GUCY1A2: variants seen among roughly 807,000 people sequenced by gnomAD.
GUCY1A2 encodes the protein guanylate cyclase 1 soluble subunit alpha 2.
Under a neutral mutation model 63.5 loss-of-function variants are expected in GUCY1A2, and 27 were observed. The ratio of observed to expected loss-of-function variants is 0.43; its 90% CI spans 0.31 to 0.59. GUCY1A2 has a LOEUF of 0.59. Among genes scored for constraint, GUCY1A2 ranks in the 20% least tolerant of loss-of-function variants. The pLI is 0.11. For missense variants in GUCY1A2, 768 were observed against 913.3 expected (o/e 0.84, Z 2.05); for synonymous variants, 364 against 343.5 (o/e 1.06, Z -0.66).
chr11:106,687,810 C>A, intron 7 of GUCY1A2, 54 bp from the exon 8 acceptor site: 11 of 1,210,344 alleles, frequency 9.1e-6, no homozygotes, highest in Non-Finnish European at 1.1e-5. Flanking sequence ...AATGTAAATA[C>A]ATGGACAGAA....
At position 106,709,430 on chromosome 11, in the gene GUCY1A2, AGT is replaced by A. The variant is rs1565264696; in HGVS notation, c.1837-766_1837-765del. Among the ~76,000 whole-genome samples the A allele has an allele frequency of 5.7e-3, 534 of 93,400 alleles. 14 individuals are homozygous for A. The highest frequency in any genetic ancestry group is 0.023 in the African/African-American group (518 of 22,544). 61.3% of individuals were successfully genotyped at this position (93,400 alleles called of 152,430 possible). A position where few individuals can be genotyped will look rare whatever the true frequency, so the allele number is the denominator to read the frequency against. On this transcript the variant is annotated intron_variant, in intron 6 of 7. Coordinates refer to ENST00000526355, the MANE Select transcript of GUCY1A2 (RefSeq NM_000855.3). ...TTATACTATGTATATATTATATATA[AGT>A]ATATATAATAATATATATTCTATAT... is the stretch of plus-strand genomic sequence containing the variant.
At chr11:106,810,667 T>C (rs890499719) in intron 4 of GUCY1A2, among the ~76,000 whole-genome samples, 189 bp from the exon 5 acceptor site, 1 of 152,162 alleles carries the variant, frequency 6.6e-6, no homozygotes, top group Non-Finnish European at 1.5e-5. Flanking sequence ...GAAACAATTG[T>C]TTTATATCTC....
chr11:106,853,741 C>T (rs143252875), intron 4 of GUCY1A2, among the ~76,000 whole-genome samples: 60 of 152,244 alleles, frequency 3.9e-4, no homozygotes, highest in African/African-American at 1.4e-3. Flanking sequence ...TATGTTGATA[C>T]CTCTGCATCT....
intron 6 of GUCY1A2, among the ~76,000 whole-genome samples, chr11:106,764,537 T>A (rs1469092603): frequency 6.6e-6 from 1 of 152,130 alleles, no homozygotes; most frequent in African/African-American, 2.4e-5. Context: ...ATGATTGTTG[T>A]AATAATTATG....
At chr11:106,913,126 T>A (rs201258503) in intron 4 of GUCY1A2, among the ~76,000 whole-genome samples, 2 of 2,524 alleles carry the variant, frequency 7.9e-4, no homozygotes, top group Non-Finnish European at 1.8e-3. Context: ...TTTCAAAAGA[T>A]ATATATATAT....
At chr11:106,861,120 GTC>G (rs1319711539) in intron 4 of GUCY1A2, among the ~76,000 whole-genome samples, 1 of 151,810 alleles carries the variant, frequency 6.6e-6, no homozygotes, top group Middle Eastern at 3.2e-3. Flanking sequence ...GATATAAATG[GTC>G]TCCACAGGGT....
chr11:106,865,310 T>C (rs983819784), intron 4 of GUCY1A2, among the ~76,000 whole-genome samples: 6 of 152,080 alleles, frequency 3.9e-5, no homozygotes, highest in African/African-American at 4.8e-5. Context: ...TGACTAGCAG[T>C]CTGTTAATCT....
At chr11:106,986,007 G>C (rs901187153) in intron 2 of GUCY1A2, 63 bp downstream of exon 2, 27 of 856,138 alleles carry the variant, frequency 3.2e-5, no homozygotes, top group Non-Finnish European at 5.1e-5. Context: ...ATACTCAACA[G>C]CTATGTTTGA....
chr11:106,690,341 T>TA (rs60160913), intron 7 of GUCY1A2, among the ~76,000 whole-genome samples: 1 of 151,920 alleles, frequency 6.6e-6, no homozygotes, highest in African/African-American at 2.4e-5. Context: ...TATGCAGCCA[T>TA]AAAAAAAGAA....
intron 4 of GUCY1A2, among the ~76,000 whole-genome samples, chr11:106,869,853 A>C (rs966753395): frequency 1.3e-5 from 2 of 152,136 alleles, no homozygotes; most frequent in Admixed American, 6.6e-5. Flanking sequence ...CTTGGAACCA[A>C]CCCAAATGTC....
intron 4 of GUCY1A2, among the ~76,000 whole-genome samples, chr11:106,935,153 G>A (rs992016532): frequency 1.3e-5 from 2 of 152,118 alleles, no homozygotes; most frequent in Non-Finnish European, 2.9e-5. Flanking sequence ...AGGGTCCAAG[G>A]CATATTTTAG....
rs1862315904 is a variant in GUCY1A2, at chr11:106,674,677, C to T, written c.*12872G>A. On this transcript the variant is annotated 3_prime_UTR_variant, in exon 8 of 8. Coordinates refer to ENST00000526355, the MANE Select transcript of GUCY1A2 (RefSeq NM_000855.3). ...ACATTATAATTTAAGTTTTTGATAA[C>T]TCAATTTTTAAAAGATATTATTCAC... is the stretch of plus-strand genomic sequence containing the variant. 1.0e-5 allele frequency: 2 copies of T among 190,914 alleles called. No individual in the cohort carries two copies. Among genetic ancestry groups the T allele is most frequent in the East Asian group, 1.7e-4 (2 of 11,966 alleles). 11.8% of individuals were successfully genotyped at this position (190,914 alleles called of 1,614,324 possible). A position where few individuals can be genotyped will look rare whatever the true frequency, so the allele number is the denominator to read the frequency against.
intron 6 of GUCY1A2, among the ~76,000 whole-genome samples, chr11:106,764,291 T>C (rs1864119900): frequency 6.6e-6 from 1 of 152,074 alleles, no homozygotes. Flanking sequence ...TAAGGAAAAT[T>C]AAAGTTATTA....
At chr11:106,995,353 C>T (rs1205002027) in intron 1 of GUCY1A2, among the ~76,000 whole-genome samples, 1 of 152,118 alleles carries the variant, frequency 6.6e-6, no homozygotes, top group East Asian at 1.9e-4. Flanking sequence ...AAAAAACTTG[C>T]CCAAAGTCAC....
chr11:106,978,077 TC>T (rs1162850074), intron 3 of GUCY1A2, among the ~76,000 whole-genome samples: 1 of 152,076 alleles, frequency 6.6e-6, no homozygotes, highest in African/African-American at 2.4e-5. Context: ...TGTTGGAGCA[TC>T]CAAAAACAGC....
In GUCY1A2 at chr11:106,685,958, T is replaced by C. The variant is rs942886250; in HGVS notation, c.*1591A>G. ...CATTAAATGAACCTCATAGACTACATTGGAAATTAGTAAATATATTCCTTA... is the reference window on the plus strand; with the variant it reads ...CATTAAATGAACCTCATAGACTACACTGGAAATTAGTAAATATATTCCTTA... On this transcript the variant is annotated 3_prime_UTR_variant, in exon 8 of 8. Transcript: ENST00000526355. 3 of 222,456 alleles carry C rather than the reference T, an allele frequency of 1.3e-5. No individual in the cohort carries two copies. Among genetic ancestry groups the C allele is most frequent in the Non-Finnish European group, 2.7e-5 (3 of 111,292 alleles). 13.8% of individuals were successfully genotyped at this position (222,456 alleles called of 1,614,324 possible). A position where few individuals can be genotyped will look rare whatever the true frequency, so the allele number is the denominator to read the frequency against.
chr11:106,980,570 C>A (rs1861321949), intron 2 of GUCY1A2, among the ~76,000 whole-genome samples: 1 of 152,152 alleles, frequency 6.6e-6, no homozygotes, highest in Non-Finnish European at 1.5e-5. Flanking sequence ...AGTCCTGACC[C>A]AGACAGAGAA....
intron 4 of GUCY1A2, among the ~76,000 whole-genome samples, chr11:106,926,719 G>A (rs931788537): frequency 1.3e-5 from 2 of 151,578 alleles, no homozygotes; most frequent in African/African-American, 2.4e-5. Flanking sequence ...ACCGAGTATC[G>A]GCAGTGCCCC....
chr11:107,017,079 C>A (rs1392375374), intron 1 of GUCY1A2, among the ~76,000 whole-genome samples: 1 of 151,756 alleles, frequency 6.6e-6, no homozygotes, highest in Non-Finnish European at 1.5e-5. Flanking sequence ...CAGGTTTACC[C>A]AGAGAAGAAT....
Sources: allele counts gnomAD v4.1 joint callset (sites outside exome capture counted in the v4.1 genomes callset), GRCh38; gene constraint gnomAD v4.1.1; transcripts MANE v1.5; gene names NCBI Gene and HGNC (gene_info 2026-07-23, HGNC 2026-07-21).